DCC: variants seen among roughly 807,000 people sequenced by gnomAD.
The protein encoded by DCC is netrin receptor DCC.
In DCC, 58 loss-of-function variants were observed where a neutral mutation model predicts 172.5. That is an observed-to-expected ratio of 0.34 (90% CI 0.27 to 0.42). DCC has a LOEUF of 0.42. DCC is among the 10% of genes least tolerant of loss of function. DCC has a pLI of 1.00. For synonymous variants in DCC, 709 were observed against 644.5 expected, an observed-to-expected ratio of 1.10 and a Z score of -1.52; for missense variants, 1,740 against 1,791.0, an observed-to-expected ratio of 0.97 and a Z score of 0.51.
intron 1 of DCC, among the ~76,000 whole-genome samples, chr18:52,482,847 G>C (rs59876999): frequency 6.6e-6 from 1 of 151,892 alleles, no homozygotes; most frequent in African/African-American, 2.4e-5. Context: ...TACCCCTTTC[G>C]TATGTTGGAT....
At chr18:52,620,169 A>G (rs1033551933) in intron 1 of DCC, among the ~76,000 whole-genome samples, 47 of 152,346 alleles carry the variant, frequency 3.1e-4, no homozygotes, top group African/African-American at 1.1e-3. Context: ...TCTAGTTCTT[A>G]TCTAACTTAG....
chr18:53,480,685 CTG>C (rs1204833301), intron 25 of DCC: 2 of 152,232 alleles, frequency 1.3e-5, no homozygotes, highest in Non-Finnish European at 2.9e-5. Flanking sequence ...TTGCACTTCT[CTG>C]TGGATGATCT....
chr18:53,043,489 C>T (rs1263172390), intron 5 of DCC, among the ~76,000 whole-genome samples: 8 of 151,708 alleles, frequency 5.3e-5, no homozygotes, highest in Non-Finnish European at 1.2e-4. Flanking sequence ...AACAAGAGGA[C>T]CAGGAAGAAA....
At chr18:53,356,065 A>G (rs1424834266) in intron 15 of DCC, among the ~76,000 whole-genome samples, 1 of 151,628 alleles carries the variant, frequency 6.6e-6, no homozygotes, top group Non-Finnish European at 1.5e-5. Context: ...TCACTTATTT[A>G]TTTTTTTGAG....
At chr18:52,751,645 T>C (rs73457795) in intron 1 of DCC, among the ~76,000 whole-genome samples, 16,203 of 152,218 alleles carry the variant, frequency 0.11, 2,871 homozygotes, top group African/African-American at 0.37. Flanking sequence ...ATGGATGCCA[T>C]AATCAGAATG....
At chr18:52,709,135 T>G (rs1249111699) in intron 1 of DCC, among the ~76,000 whole-genome samples, 1 of 152,186 alleles carries the variant, frequency 6.6e-6, no homozygotes, top group Non-Finnish European at 1.5e-5. Flanking sequence ...GCAAGATACC[T>G]GTAATTATCT....
At chr18:53,131,508 A>C (rs531300695) in intron 7 of DCC, among the ~76,000 whole-genome samples, 1 of 152,158 alleles carries the variant, frequency 6.6e-6, no homozygotes, top group African/African-American at 2.4e-5. Context: ...GGAGGTAACC[A>C]AGGAAGGCTG....
chr18:52,645,915 C>G (rs1416809775), intron 1 of DCC, among the ~76,000 whole-genome samples: 1 of 152,158 alleles, frequency 6.6e-6, no homozygotes, highest in East Asian at 1.9e-4. Context: ...GTGTTATTCT[C>G]AAAGCATTTG....
intron 1 of DCC, among the ~76,000 whole-genome samples, chr18:52,550,001 T>A (rs1188247082): frequency 5.9e-5 from 9 of 151,978 alleles, no homozygotes; most frequent in Non-Finnish European, 1.2e-4. Flanking sequence ...AAAAAGTAAC[T>A]TTATAGTAGA....
At chr18:52,504,962 C>CA (rs1239022273) in intron 1 of DCC, among the ~76,000 whole-genome samples, 1 of 152,102 alleles carries the variant, frequency 6.6e-6, no homozygotes, top group African/African-American at 2.4e-5. Flanking sequence ...TTGTATATTT[C>CA]AAAAAACATT....
chr18:52,877,262 C>G (rs566830593), intron 2 of DCC, among the ~76,000 whole-genome samples: 1 of 152,114 alleles, frequency 6.6e-6, no homozygotes, highest in Non-Finnish European at 1.5e-5. Context: ...CTATTACAAG[C>G]CCGTCCCTTG....
chr18:52,677,997 T>A (rs1166706890), intron 1 of DCC, among the ~76,000 whole-genome samples: 1 of 152,208 alleles, frequency 6.6e-6, no homozygotes, highest in Non-Finnish European at 1.5e-5. Flanking sequence ...AAGGAAGTAC[T>A]TATTGCGTGT....
chr18:52,413,655 A>G (rs989182493), intron 1 of DCC, among the ~76,000 whole-genome samples: 1 of 152,102 alleles, frequency 6.6e-6, no homozygotes, highest in Non-Finnish European at 1.5e-5. Flanking sequence ...TTCTAAGAAA[A>G]TTAGTACCTT....
In DCC at chr18:52,936,048, G is replaced by A. The variant is rs149753552; in HGVS notation, c.985+10678G>A. 4.4e-3 allele frequency among the ~76,000 whole-genome samples: 664 copies of A among 152,110 alleles called. 5 individuals carry two copies. The highest frequency in any genetic ancestry group is 0.015 in the African/African-American group (606 of 41,534). On this transcript the variant is annotated intron_variant, in intron 5 of 28. Transcript: ENST00000442544. ...TACCAAATGAATCATACTGAAATGA[G>A]TTAAGAGAGTTTTTGTATGTAGGGT...
At chr18:53,362,815 ATAT>A (rs1490780359) in intron 15 of DCC, among the ~76,000 whole-genome samples, 1 of 152,138 alleles carries the variant, frequency 6.6e-6, no homozygotes, top group African/African-American at 2.4e-5. Flanking sequence ...AAAGAAGTAG[ATAT>A]TATTACTTAC....
chr18:52,523,820 A>G (rs984431183), intron 1 of DCC, among the ~76,000 whole-genome samples: 1 of 152,218 alleles, frequency 6.6e-6, no homozygotes, highest in Non-Finnish European at 1.5e-5. Context: ...TATTAATACC[A>G]GCAGGGACTT....
intron 15 of DCC, among the ~76,000 whole-genome samples, chr18:53,345,302 T>C (rs1437971448): frequency 6.6e-6 from 1 of 152,146 alleles, no homozygotes; most frequent in African/African-American, 2.4e-5. Context: ...AGATACCATA[T>C]ATGTATTTAA....
chr18:52,902,793 A>C (rs1374792517), intron 2 of DCC, among the ~76,000 whole-genome samples: 1 of 152,198 alleles, frequency 6.6e-6, no homozygotes, highest in Non-Finnish European at 1.5e-5. Flanking sequence ...ATAAACTTAG[A>C]ATTGCTTTTG....
chr18:52,396,007 C>A (rs72916995), intron 1 of DCC, among the ~76,000 whole-genome samples: 21,447 of 151,918 alleles, frequency 0.14, 1,606 homozygotes, highest in Middle Eastern at 0.16. Context: ...ACCCTCCCTG[C>A]TGAGTTCTAG....
Sources: allele counts gnomAD v4.1 joint callset (sites outside exome capture counted in the v4.1 genomes callset), GRCh38; gene constraint gnomAD v4.1.1; transcripts MANE v1.5; gene names NCBI Gene and HGNC (gene_info 2026-07-23, HGNC 2026-07-21).